Variants in AXL observed in about 807,000 individuals in gnomAD.
AXL encodes the protein AXL receptor tyrosine kinase, also known as tyrosine-protein kinase receptor UFO.
AXL carries 52 observed loss-of-function variants against 104.5 expected under a neutral mutation model. The ratio of observed to expected loss-of-function variants is 0.50; its 90% CI spans 0.40 to 0.63. The LOEUF is 0.63. Ranked by LOEUF, AXL falls within the 20% of genes least tolerant of loss-of-function variation. The pLI is 0.00. For synonymous variants in AXL, 455 were observed against 473.7 expected, an observed-to-expected ratio of 0.96 and a Z score of 0.51; for missense variants, 1,024 against 1,188.5, an observed-to-expected ratio of 0.86 and a Z score of 2.04.
rs372322012 is a variant in AXL at position 41,221,875 on chromosome 19, G to T, written c.410-5G>T. The T allele has an allele frequency of 1.9e-6, 3 of 1,613,030 alleles. No homozygotes were observed. The South Asian group carries it at 3.3e-5, about 18-fold the overall frequency. On this transcript the variant is annotated splice_region_variant and splice_polypyrimidine_tract_variant and intron_variant, in intron 3 of 19. Transcript: ENST00000301178. ...CCCAGCCTCTACCACTGCCCACCCC[G>T]CTAGGCTTGCCTTACTTCCTGGAGG...
rs950685158 is a variant in AXL, at chr19:41,231,246, C to G, written c.731C>G (p.Ala244Gly). 1.2e-6 allele frequency: 2 copies of G among 1,613,760 alleles called. No individual in the cohort carries two copies. Among genetic ancestry groups the G allele is most frequent in the Non-Finnish European group, 1.7e-6 (2 of 1,179,848 alleles). The stretch of plus-strand genomic sequence containing the variant: ...CGCCAACCCACGGAGCTGGAGGTGG[C>G]TTGGACTCCAGGCCTGAGCGGCATC... ...VSRQPTELEV[A>G]WTPGLSGIYP... The change falls in exon 6 of 20, where the codon GCT becomes GGT. Residue 244 changes from alanine to glycine, a missense_variant. Physicochemically the swap from Ala to Gly is moderately conservative, Grantham distance 60. This residue lies in a region of AXL where 332 missense variants were observed against 343.9 expected (regional missense o/e 0.97). Coordinates refer to ENST00000301178, the MANE Select transcript of AXL (RefSeq NM_021913.5).
intron 9 of AXL, 135 bp from the exon 10 acceptor site, chr19:41,239,559 C>T (rs751420223): frequency 6.0e-5 from 75 of 1,247,544 alleles, no homozygotes; most frequent in Non-Finnish European, 7.7e-5. Context: ...CTCCCTTACC[C>T]GTGCCAAACC....
chr19:41,227,381 T>A, intron 4 of AXL, among the ~76,000 whole-genome samples: 1 of 152,292 alleles, frequency 6.6e-6, no homozygotes, highest in East Asian at 1.9e-4. Flanking sequence ...TATATGATTA[T>A]CTTTTTCTAA....
At chr19:41,220,501 G>A in intron 1 of AXL, 135 bp from the exon 2 acceptor site, 1 of 713,100 alleles carries the variant, frequency 1.4e-6, no homozygotes. Context: ...CCCACTCTGA[G>A]GTCACTCTGC....
chr19:41,244,483 T>C (rs2034238502), intron 12 of AXL, among the ~76,000 whole-genome samples: 1 of 151,944 alleles, frequency 6.6e-6, no homozygotes, highest in Non-Finnish European at 1.5e-5. Flanking sequence ...TTTCTTTTTT[T>C]TTCTTTTTTT....
At chr19:41,232,986 T>C (rs2034017586) in intron 6 of AXL, among the ~76,000 whole-genome samples, 1 of 152,004 alleles carries the variant, frequency 6.6e-6, no homozygotes, top group East Asian at 1.9e-4. Context: ...CTGTTTTTTG[T>C]TTTTTCTTTT....
intron 4 of AXL, among the ~76,000 whole-genome samples, chr19:41,222,830 C>T (rs967341030): frequency 2.7e-5 from 4 of 148,944 alleles, no homozygotes; most frequent in Non-Finnish European, 4.5e-5. Context: ...GGCAGGAACC[C>T]GAGAGGCGGA....
Position 41,252,392 on chromosome 19 carries a change from G to A in AXL, c.1753G>A (p.Glu585Lys). 3 of 1,613,952 alleles carry A rather than the reference G, an allele frequency of 1.9e-6. No homozygotes were observed. Among genetic ancestry groups the A allele is most frequent in the Non-Finnish European group, 2.5e-6 (3 of 1,179,968 alleles). Residue 585 changes from glutamate (E) to lysine (K), a missense_variant, in exon 15 of 20, where the codon GAA becomes AAA. Physicochemically the swap from Glu to Lys is moderately conservative, Grantham distance 56. Transcript: ENST00000301178. ...GTCAGAGCTGGAGGATTTCCTGAGT[G>A]AAGCGGTCTGCATGAAGGAATTTGA... ...TRSELEDFLSEAVCMKEFDHP... is the reference protein window; with the variant it reads ...TRSELEDFLSKAVCMKEFDHP...
In AXL at chr19:41,230,918, C is replaced by T. The variant is rs1293526114; in HGVS notation, c.587-49C>T. 5.7e-6 allele frequency: 9 copies of T among 1,592,838 alleles called. No homozygotes were observed. In the East Asian group the frequency reaches 2.0e-4, roughly 36 times the overall value. ...AGTGGCCCGGCATGGCCCCGGAGCC[C>T]TTCCTGCCCCTCTCTGATATTGGAC... On this transcript the variant is annotated intron_variant, in intron 4 of 19. Transcript: ENST00000301178.
chr19:41,261,168 G>T lies in AXL; in HGVS notation c.*1264G>T, dbSNP rs2034536481. The T allele has an allele frequency of 6.6e-6, 1 of 152,458 alleles. No homozygotes were observed. The highest frequency in any genetic ancestry group is 6.5e-5 in the Admixed American group (1 of 15,280). The allele number at this position is 152,458 out of a possible 1,614,324, so 9.4% of individuals were successfully genotyped here. A position where few individuals can be genotyped will look rare whatever the true frequency, so the allele number is the denominator to read the frequency against. ...TAAGATTCTAGATCAGATGCTCCAA[G>T]ATTCTAGATGATTAAATAAGATTCT... On this transcript the variant is annotated 3_prime_UTR_variant, in exon 20 of 20. Coordinates refer to ENST00000301178, the MANE Select transcript of AXL (RefSeq NM_021913.5).
Position 41,255,733 on chromosome 19 carries a change from G to T in AXL, c.2037-719G>T, listed in dbSNP as rs1483005167. Among the ~76,000 whole-genome samples, 3 of 151,490 alleles carry T rather than the reference G, an allele frequency of 2.0e-5. No homozygotes were observed. In the East Asian group the frequency reaches 5.8e-4, roughly 29 times the overall value. ...TGAAATTACAGGCTTGAGCCACTGTGCCTGTTTTTTTTTTTGTTTGTTTTT... is the reference window on the plus strand; with the variant it reads ...TGAAATTACAGGCTTGAGCCACTGTTCCTGTTTTTTTTTTTGTTTGTTTTT... On this transcript the variant is annotated intron_variant, in intron 17 of 19. Transcript: ENST00000301178.
rs2034127691 is a variant in AXL, at chr19:41,238,692, A to C, written c.1134+83A>C. On this transcript the variant is annotated intron_variant, in intron 8 of 19. Transcript: ENST00000301178. ...ATCAGGGCAGACATAGATGGTTGTG[A>C]AGGTTGGGTAGTACACAATTGCTCT... 30 of 1,490,336 alleles carry C rather than the reference A, an allele frequency of 2.0e-5. 1 individual carries two copies. In the South Asian group the frequency reaches 3.8e-4, roughly 19 times the overall value. The allele number at this position is 1,490,336 out of a possible 1,614,324, so 92.3% of individuals were successfully genotyped here.
intron 7 of AXL, 27 bp from the exon 8 acceptor site, chr19:41,238,443 C>G (rs2034121821): frequency 6.3e-7 from 1 of 1,597,226 alleles, no homozygotes. Flanking sequence ...GTGGGGGTGC[C>G]AGCTTCCCCT....
In AXL at chr19:41,242,990, C is replaced by T. The variant is rs138883984; in HGVS notation, c.1420C>T (p.Arg474Trp). 8 of 1,614,156 alleles carry T rather than the reference C, an allele frequency of 5.0e-6. No individual in the cohort carries two copies. The highest frequency in any genetic ancestry group is 4.5e-5 in the East Asian group (2 of 44,878). ...CATCTTGGCTCTCTTCCTTGTCCAC[C>T]GGCGAAAGAAGGAGACCCGTTATGG... is the stretch of plus-strand genomic sequence containing the variant. ...VLILALFLVH[R>W]RKKETRYGEV... The change falls in exon 11 of 20, where the codon CGG becomes TGG. Residue 474 changes from arginine (R) to tryptophan (W), a missense_variant. Transcript: ENST00000301178.
Position 41,220,279 on chromosome 19 carries a change from CCT to C in AXL, c.86-356_86-355del, listed in dbSNP as rs758590788. ...CCACCCTTATCTCTCTCCCCCAACC[CCT>C]GATTCTTCCCCTCCATCCACCAGCA... On this transcript the variant is annotated intron_variant, in intron 1 of 19. Coordinates refer to ENST00000301178, the MANE Select transcript of AXL (RefSeq NM_021913.5). The C allele has an allele frequency of 8.8e-5, 21 of 239,588 alleles. 1 individual carries two copies. The highest frequency in any genetic ancestry group is 2.0e-4 in the South Asian group (3 of 14,898). The allele number at this position is 239,588 out of a possible 1,614,324, so 14.8% of individuals were successfully genotyped here.
intron 4 of AXL, among the ~76,000 whole-genome samples, chr19:41,224,018 T>C (rs1450392955): frequency 6.6e-6 from 1 of 151,966 alleles, no homozygotes; most frequent in African/African-American, 2.4e-5. Flanking sequence ...CAGCTTGGAT[T>C]CTGTCCCAAT....
chr19:41,234,226 G>A (rs542493821), intron 6 of AXL, among the ~76,000 whole-genome samples: 1 of 152,224 alleles, frequency 6.6e-6, no homozygotes, highest in African/African-American at 2.4e-5. Flanking sequence ...GTAAAATGGG[G>A]ATGAGAAAAG....
chr19:41,255,493 T>G (rs1847199136), intron 17 of AXL, among the ~76,000 whole-genome samples: 1 of 151,752 alleles, frequency 6.6e-6, no homozygotes, highest in East Asian at 1.9e-4. Flanking sequence ...TAGGGTGGGG[T>G]GCAGTGGCAT....
chr19:41,220,673 AGGGAATATCACAGGTGCCC>A lies in AXL; in HGVS notation c.127_145del (p.Asn43AspfsTer49). 1.2e-6 allele frequency: 2 copies of A among 1,606,436 alleles called. No individual in the cohort carries two copies. The highest frequency in any genetic ancestry group is 1.7e-6 in the Non-Finnish European group (2 of 1,176,594). ...AAGAAAGTCCCTTCGTGGGCAACCC[AGGGAATATCACAGGTGCCC>A]GGGGACTCACGGGCACCCTTCGGTG... On this transcript the variant is annotated frameshift_variant, in exon 2 of 20. Coordinates refer to ENST00000301178, the MANE Select transcript of AXL (RefSeq NM_021913.5). LOFTEE classifies it high-confidence loss of function.
Sources: allele counts gnomAD v4.1 joint callset (sites outside exome capture counted in the v4.1 genomes callset), GRCh38; gene constraint gnomAD v4.1.1; regional missense constraint gnomAD v4.1.1; transcripts MANE v1.5; gene names NCBI Gene and HGNC (gene_info 2026-07-23, HGNC 2026-07-21).